The following ZNF345 variants were observed in gnomAD, a reference collection of about 807,000 sequenced individuals.
The protein encoded by ZNF345 is zinc finger protein 345.
For synonymous variants in ZNF345, 166 were observed against 187.9 expected (o/e 0.88, Z 0.95); for missense variants, 527 against 589.9 (o/e 0.89, Z 1.10).
intron 2 of ZNF345, among the ~76,000 whole-genome samples, chr19:36,853,164 C>G (rs2072322988): frequency 6.7e-6 from 1 of 148,170 alleles, no homozygotes; most frequent in African/African-American, 2.5e-5. Context: ...TATGGTTAGT[C>G]TTGTTTAAGA....
intron 2 of ZNF345, among the ~76,000 whole-genome samples, chr19:36,861,038 C>T (rs531751429): frequency 2.0e-5 from 3 of 152,052 alleles, no homozygotes; most frequent in South Asian, 2.1e-4. Flanking sequence ...CCCACTTATT[C>T]GTTTATGTCA....
At chr19:36,891,320 AT>A in intron 3 of ZNF345, 1 of 603,920 alleles carries the variant, frequency 1.7e-6, no homozygotes, top group Non-Finnish European at 2.6e-6. Flanking sequence ...GAGAGAATAA[AT>A]TTCTCTTGTT....
At chr19:36,851,134 T>G (rs1444795800) in intron 1 of ZNF345, 166 bp downstream of exon 1, 1 of 152,564 alleles carries the variant, frequency 6.6e-6, no homozygotes, top group Non-Finnish European at 1.5e-5. Flanking sequence ...GAGGACTTTT[T>G]GTTTATGTTT....
At chr19:36,872,043 A>C (rs2072781802) in intron 2 of ZNF345, among the ~76,000 whole-genome samples, 1 of 152,202 alleles carries the variant, frequency 6.6e-6, no homozygotes, top group Non-Finnish European at 1.5e-5. Context: ...CTGGGATTAC[A>C]GGCATGAGTC....
chr19:36,874,944 T>C (rs975831544), intron 2 of ZNF345, among the ~76,000 whole-genome samples: 2 of 152,196 alleles, frequency 1.3e-5, no homozygotes, highest in East Asian at 1.9e-4. Flanking sequence ...CTTGAGCTTT[T>C]TCAGAGAAAT....
intron 2 of ZNF345, among the ~76,000 whole-genome samples, chr19:36,870,502 G>A (rs1665767168): frequency 1.3e-5 from 2 of 151,984 alleles, no homozygotes; most frequent in Admixed American, 1.3e-4. Flanking sequence ...CTGTTTCTTG[G>A]TTTGGTTCTT....
chr19:36,861,989 T>C (rs1007292729), intron 2 of ZNF345, among the ~76,000 whole-genome samples: 4 of 151,736 alleles, frequency 2.6e-5, no homozygotes, highest in African/African-American at 9.7e-5. Context: ...GCTTCCTGAG[T>C]AGCTGGAATT....
At chr19:36,869,847 T>C (rs1474371532) in intron 2 of ZNF345, among the ~76,000 whole-genome samples, 2 of 151,438 alleles carry the variant, frequency 1.3e-5, no homozygotes, top group Non-Finnish European at 2.9e-5. Flanking sequence ...CTGCAAGCTC[T>C]ACCTCCTGGG....
chr19:36,884,152 G>C, downstream of ZNF345, among the ~76,000 whole-genome samples: 1 of 152,034 alleles, frequency 6.6e-6, no homozygotes, highest in Non-Finnish European at 1.5e-5. Flanking sequence ...TGCAACCTCC[G>C]CCTCCTGGGT....
intron 3 of ZNF345, chr19:36,892,564 T>G (rs2073068456): frequency 1.5e-6 from 2 of 1,313,244 alleles, no homozygotes; most frequent in African/African-American, 1.5e-5. Flanking sequence ...GAAAAGAATA[T>G]CTGAGAAATT....
intron 3 of ZNF345, among the ~76,000 whole-genome samples, chr19:36,885,079 T>C (rs994755705): frequency 6.6e-6 from 1 of 152,114 alleles, no homozygotes; most frequent in African/African-American, 2.4e-5. Context: ...AAATTTACAC[T>C]CCCACAAAGA....
chr19:36,856,940 A>G (rs1210736036), intron 2 of ZNF345, among the ~76,000 whole-genome samples: 1 of 152,204 alleles, frequency 6.6e-6, no homozygotes. Flanking sequence ...AAGGATAAAG[A>G]AAAAACAAAG....
chr19:36,865,180 C>A (rs2072633514), intron 2 of ZNF345, among the ~76,000 whole-genome samples: 1 of 152,128 alleles, frequency 6.6e-6, no homozygotes, highest in Non-Finnish European at 1.5e-5. Flanking sequence ...CATGCCAGAA[C>A]CAGAAAGGAA....
chr19:36,880,277 T>C (rs1162253621), downstream of ZNF345, among the ~76,000 whole-genome samples: 2 of 152,054 alleles, frequency 1.3e-5, no homozygotes, highest in African/African-American at 4.8e-5. Flanking sequence ...ATTGCACCAC[T>C]GAACTCCAAC....
intron 2 of ZNF345, among the ~76,000 whole-genome samples, chr19:36,860,412 C>G (rs2072523752): frequency 6.6e-6 from 1 of 152,150 alleles, no homozygotes; most frequent in Non-Finnish European, 1.5e-5. Flanking sequence ...TAACAAACCA[C>G]CCTACCCTTT....
intron 2 of ZNF345, among the ~76,000 whole-genome samples, chr19:36,852,313 G>T (rs1360879610): frequency 1.3e-5 from 2 of 151,630 alleles, no homozygotes; most frequent in Admixed American, 6.6e-5. Flanking sequence ...TATACCTAGT[G>T]ATTAAATTGC....
chr19:36,856,612 T>C (rs1357530482), intron 2 of ZNF345, among the ~76,000 whole-genome samples: 2 of 152,182 alleles, frequency 1.3e-5, no homozygotes, highest in Non-Finnish European at 2.9e-5. Flanking sequence ...TACTAGCACA[T>C]TGGGAGGCCG....
chr19:36,858,059 C>A (rs540143945), intron 2 of ZNF345, among the ~76,000 whole-genome samples: 2 of 152,260 alleles, frequency 1.3e-5, no homozygotes, highest in South Asian at 2.1e-4. Context: ...GGATTACAGG[C>A]ATGAGCCACT....
At chr19:36,870,368 C>T (rs534959472) in intron 2 of ZNF345, among the ~76,000 whole-genome samples, 1 of 152,210 alleles carries the variant, frequency 6.6e-6, no homozygotes, top group African/African-American at 2.4e-5. Flanking sequence ...GGTTTAGAGA[C>T]ATCTCTTCTA....
Sources: allele counts gnomAD v4.1 joint callset (sites outside exome capture counted in the v4.1 genomes callset), GRCh38; gene constraint gnomAD v4.1.1; transcripts MANE v1.5; gene names NCBI Gene and HGNC (gene_info 2026-07-23, HGNC 2026-07-21).